RAP1GAP: variants seen among roughly 807,000 people sequenced by gnomAD.
RAP1GAP encodes the protein RAP1 GTPase activating protein, also known as rap1 GTPase-activating protein 1.
RAP1GAP carries 35 observed loss-of-function variants against 87.2 expected under a neutral mutation model. The ratio of observed to expected loss-of-function variants is 0.40; its 90% CI spans 0.31 to 0.53. The LOEUF is 0.53. Among genes scored for constraint, RAP1GAP ranks in the 20% least tolerant of loss-of-function variants. The pLI, the probability that RAP1GAP is intolerant of heterozygous loss-of-function variation, is 0.48. For missense variants in RAP1GAP, 734 were observed against 898.9 expected (o/e 0.82, Z 2.35); for synonymous variants, 375 against 363.9 (o/e 1.03, Z -0.35).
chr1:21,660,571 T>C (rs988164857), intron 1 of RAP1GAP, among the ~76,000 whole-genome samples: 3 of 151,644 alleles, frequency 2.0e-5, no homozygotes, highest in African/African-American at 7.3e-5. Context: ...CAACCTCAAG[T>C]GGTCCTCCCG....
chr1:21,596,300 T>C lies in RAP1GAP; in HGVS notation c.*999A>G, dbSNP rs1645189682. The C allele has an allele frequency of 1.3e-5, 2 of 152,284 alleles. No homozygotes were observed. The highest frequency in any genetic ancestry group is 1.9e-4 in the East Asian group (1 of 5,202). 9.4% of individuals were successfully genotyped at this position (152,284 alleles called of 1,614,324 possible). ...GCCACAGGGGCTTCCAAAATGGGTATTGGGGCCAGGAGGCTGGCCTTTGGC... is the reference window on the plus strand; with the variant it reads ...GCCACAGGGGCTTCCAAAATGGGTACTGGGGCCAGGAGGCTGGCCTTTGGC... On this transcript the variant is annotated 3_prime_UTR_variant, in exon 25 of 25. Coordinates refer to ENST00000374765, the MANE Select transcript of RAP1GAP (RefSeq NM_002885.4).
At chr1:21,605,856 C>A (rs2074110581) in intron 18 of RAP1GAP, among the ~76,000 whole-genome samples, 1 of 152,212 alleles carries the variant, frequency 6.6e-6, no homozygotes, top group South Asian at 2.1e-4. Context: ...GAAGGGGCTG[C>A]AGGCTGCAAG....
At position 21,608,232 on chromosome 1, in the gene RAP1GAP, C is replaced by T. The variant is rs146937885; in HGVS notation, c.1277G>A (p.Gly426Asp). The T allele has an allele frequency of 1.2e-6, 2 of 1,613,426 alleles. No homozygotes were observed. Among genetic ancestry groups the T allele is most frequent in the African/African-American group, 2.7e-5 (2 of 74,918 alleles). The change falls in exon 17 of 25, where the codon GGC becomes GAC. Residue 426 changes from glycine (G) to aspartate (D), a missense_variant. Coordinates refer to ENST00000374765, the MANE Select transcript of RAP1GAP (RefSeq NM_002885.4). ...CTTCACCTTGAAAGACTCAAAGAAG[C>T]CGCCGCCCCCACTGCCATTCTCCAT... ...DKMENGSGGGGFFESFKRVIR... is the reference protein window; with the variant it reads ...DKMENGSGGGDFFESFKRVIR...
At chr1:21,660,346 T>TAC in intron 1 of RAP1GAP, among the ~76,000 whole-genome samples, 1 of 68,302 alleles carries the variant, frequency 1.5e-5, no homozygotes, top group Admixed American at 2.0e-4. Flanking sequence ...CAGCTATATA[T>TAC]ATTTATTGAG....
chr1:21,617,092 G>A (rs1190645671), intron 7 of RAP1GAP, among the ~76,000 whole-genome samples: 1 of 152,226 alleles, frequency 6.6e-6, no homozygotes, highest in African/African-American at 2.4e-5. Context: ...ATGCCATAAT[G>A]CTGCCTTTGC....
intron 1 of RAP1GAP, chr1:21,651,845 C>A: frequency 1.8e-6 from 2 of 1,137,582 alleles, no homozygotes; most frequent in South Asian, 4.0e-5. Context: ...GCCGCCCGGC[C>A]CGGCCCGCGC....
chr1:21,663,531 C>T (rs578081762), intron 1 of RAP1GAP, among the ~76,000 whole-genome samples: 26 of 152,180 alleles, frequency 1.7e-4, no homozygotes, highest in African/African-American at 5.5e-4. Context: ...GTTCTGGCAC[C>T]GAGCTTGCAG....
rs997906397 is a variant in RAP1GAP at position 21,603,383 on chromosome 1, C to A, written c.1429-470G>T. ...CAGCTGGAAGACTCCCCCAGCTTCC[C>A]ACACACTGTGCTGGGATGCCCCAGG... is the stretch of plus-strand genomic sequence containing the variant. On this transcript the variant is annotated intron_variant, in intron 18 of 24. Coordinates refer to ENST00000374765, the MANE Select transcript of RAP1GAP (RefSeq NM_002885.4). The surrounding 1 kb of genome is among the most constrained non-coding windows in gnomAD (Gnocchi z 6.0). The A allele has an allele frequency of 1.9e-5, 9 of 477,812 alleles. No homozygotes were observed. The highest frequency in any genetic ancestry group is 3.3e-5 in the Non-Finnish European group (9 of 269,132). The allele number at this position is 477,812 out of a possible 1,614,324, so 29.6% of individuals were successfully genotyped here. A position where few individuals can be genotyped will look rare whatever the true frequency, so the allele number is the denominator to read the frequency against.
At chr1:21,651,363 C>G (rs529928600) in intron 1 of RAP1GAP, 73 of 499,528 alleles carry the variant, frequency 1.5e-4, no homozygotes, top group South Asian at 6.8e-4. Context: ...GAACCTCCCC[C>G]TGACCTGCCT....
At chr1:21,646,167 T>A (rs2096038019) in intron 2 of RAP1GAP, among the ~76,000 whole-genome samples, 1 of 152,336 alleles carries the variant, frequency 6.6e-6, no homozygotes, top group East Asian at 1.9e-4. Flanking sequence ...GGGCCTGGGA[T>A]ACAGGAAGTG....
chr1:21,599,693 C>G (rs949028510), intron 20 of RAP1GAP, 76 bp from the exon 21 acceptor site: 17 of 1,536,246 alleles, frequency 1.1e-5, no homozygotes, highest in Non-Finnish European at 1.2e-5. Flanking sequence ...CCCTTGCCCT[C>G]CCCAACCCGG....
rs2075178957 is a variant in RAP1GAP at position 21,607,099 on chromosome 1, G to A, written c.1297-902C>T. Among the ~76,000 whole-genome samples, 3 of 152,218 alleles carry A rather than the reference G, an allele frequency of 2.0e-5. No individual in the cohort carries two copies. The South Asian group carries it at 6.2e-4, about 32-fold the overall frequency. On this transcript the variant is annotated intron_variant, in intron 17 of 24. Transcript: ENST00000374765. The stretch of plus-strand genomic sequence containing the variant: ...CCAGCTGTGTGACCTGTCCTGGGTT[G>A]AGGGTGAGGTGTGACCAGCCGGCCG...
intron 1 of RAP1GAP, chr1:21,651,490 T>C: frequency 1.6e-6 from 1 of 634,302 alleles, no homozygotes; most frequent in Non-Finnish European, 3.1e-6. Context: ...TAAGCGCCAC[T>C]ATCATGTGCT....
rs562972507 is a variant in RAP1GAP at position 21,599,512 on chromosome 1, G to A, written c.1758C>T (p.Asp586=). The A allele has an allele frequency of 2.2e-5, 36 of 1,609,286 alleles. No homozygotes were observed. The highest frequency in any genetic ancestry group is 4.5e-5 in the East Asian group (2 of 44,882). The part of the protein sequence containing the change: ...ASVVEETEGV[D]GEDTGLESVS... ...CTCTCACCAGGCCTGTGTCCTCTCCGTCCACACCCTCCGTCTCCTCCACCA... is the reference window on the plus strand; with the variant it reads ...CTCTCACCAGGCCTGTGTCCTCTCCATCCACACCCTCCGTCTCCTCCACCA... Residue 586 remains aspartate (D), a synonymous_variant, in exon 21 of 25, where the codon GAC becomes GAT. Transcript: ENST00000374765.
At position 21,613,286 on chromosome 1, in the gene RAP1GAP, G is replaced by GCCC; in HGVS notation, c.475-58_475-57insGGG. The GCCC allele has an allele frequency of 7.0e-7, 1 of 1,431,380 alleles. No individual in the cohort carries two copies. The highest frequency in any genetic ancestry group is 9.9e-7 in the Non-Finnish European group (1 of 1,014,238). The allele number at this position is 1,431,380 out of a possible 1,614,324, so 88.7% of individuals were successfully genotyped here. The stretch of plus-strand genomic sequence containing the variant: ...TGTGGGGCCAGGGAGGAGAGGATGG[G>GCCC]GCTGCCTGGGCCTCCCTGGTCAAGG... On this transcript the variant is annotated intron_variant, in intron 9 of 24. Coordinates refer to ENST00000374765, the MANE Select transcript of RAP1GAP (RefSeq NM_002885.4). The surrounding 1 kb of genome is among the most constrained non-coding windows in gnomAD (Gnocchi z 4.7).
intron 23 of RAP1GAP, 113 bp downstream of exon 23, chr1:21,597,848 C>T: frequency 6.6e-7 from 1 of 1,508,048 alleles, no homozygotes; most frequent in Non-Finnish European, 9.1e-7. Flanking sequence ...CCCTCCTGGC[C>T]TAGCGGGGCC....
At chr1:21,650,686 C>G (rs2096495874) in intron 1 of RAP1GAP, among the ~76,000 whole-genome samples, 1 of 152,226 alleles carries the variant, frequency 6.6e-6, no homozygotes, top group African/African-American at 2.4e-5. Context: ...GAAGCCAGGA[C>G]TTGCCCAAGG....
At chr1:21,597,779 G>A (rs536618554) in intron 23 of RAP1GAP, 51 bp from the exon 24 acceptor site, 8 of 1,604,288 alleles carry the variant, frequency 5.0e-6, no homozygotes, top group African/African-American at 1.3e-5. Context: ...GAGAAGCAAC[G>A]GGGCGGGAGA....
intron 17 of RAP1GAP, among the ~76,000 whole-genome samples, chr1:21,607,620 T>C (rs185922132): frequency 6.6e-6 from 1 of 152,220 alleles, no homozygotes; most frequent in East Asian, 1.9e-4. Context: ...CTAGCAGCCT[T>C]TGTACCAGCA....
Sources: gnomAD v4.1 joint callset for allele counts (sites outside exome capture counted in the v4.1 genomes callset) on GRCh38, gnomAD v4.1.1 for gene constraint, Gnocchi (gnomAD v3.1) non-coding constraint, MANE v1.5 for transcripts, NCBI Gene and HGNC (gene_info 2026-07-23, HGNC 2026-07-21) for gene names.